WASHC2A: variants seen among roughly 807,000 people sequenced by gnomAD.
WASHC2A encodes the protein WASH complex subunit 2A, also known as WASH complex subunit FAM21A.
In WASHC2A, 82 loss-of-function variants were observed where a neutral mutation model predicts 140.3. The ratio of observed to expected loss-of-function variants is 0.58; its 90% CI spans 0.49 to 0.70. The LOEUF (loss-of-function observed/expected upper bound fraction) is 0.70. Ranked by LOEUF, WASHC2A falls within the 30% of genes least tolerant of loss-of-function variation. The pLI, the probability that WASHC2A is intolerant of heterozygous loss-of-function variation, is 0.00. For missense variants in WASHC2A, 985 were observed against 1,521.8 expected (o/e 0.65, Z 5.87); for synonymous variants, 340 against 560.8 (o/e 0.61, Z 5.56).
chr10:50,082,145 C>CT (rs1226640624), intron 5 of WASHC2A, among the ~76,000 whole-genome samples: 3 of 150,090 alleles, frequency 2.0e-5, no homozygotes, highest in Admixed American at 6.6e-5. Flanking sequence ...CACTTTCTCT[C>CT]TTTTTTTTTT....
At chr10:50,090,515 A>AAAAATATATATATATATATAT (rs1214596899) in intron 8 of WASHC2A, among the ~76,000 whole-genome samples, 8 of 108,730 alleles carry the variant, frequency 7.4e-5, no homozygotes, top group African/African-American at 2.6e-4. Context: ...AAAAAAAAAA[A>AAAAATATATATATATATATAT]ATATATATAT....
At chr10:50,097,400 TCCAAG>T (rs1840591838) in intron 15 of WASHC2A, among the ~76,000 whole-genome samples, 1 of 150,964 alleles carries the variant, frequency 6.6e-6, no homozygotes, top group East Asian at 1.9e-4. Context: ...TGTAAGCCAG[TCCAAG>T]CTACTCTAAG....
intron 26 of WASHC2A, among the ~76,000 whole-genome samples, chr10:50,126,712 G>A (rs1433472011): frequency 2.8e-4 from 43 of 151,756 alleles, no homozygotes; most frequent in African/African-American, 9.4e-4. Context: ...TTAGTGTCCT[G>A]AGCCGTAAAC....
chr10:50,086,430 T>C (rs1189919480), intron 7 of WASHC2A, among the ~76,000 whole-genome samples: 7 of 152,070 alleles, frequency 4.6e-5, no homozygotes, highest in African/African-American at 1.7e-4. Flanking sequence ...TTGGGCCTAA[T>C]GAAGTAGTTA....
intron 30 of WASHC2A, among the ~76,000 whole-genome samples, chr10:50,132,510 G>A (rs1844063595): frequency 1.3e-5 from 2 of 152,232 alleles, no homozygotes; most frequent in Admixed American, 1.3e-4. Context: ...GATGGTAGGG[G>A]CGTGGGCTGG....
intron 7 of WASHC2A, among the ~76,000 whole-genome samples, chr10:50,087,049 A>C (rs1307177533): frequency 1.4e-5 from 2 of 145,908 alleles, no homozygotes; most frequent in African/African-American, 4.9e-5. Flanking sequence ...GTGAACCACA[A>C]AAATTACATG....
At chr10:50,124,476 T>C (rs1843254410) in intron 23 of WASHC2A, among the ~76,000 whole-genome samples, 1 of 151,892 alleles carries the variant, frequency 6.6e-6, no homozygotes, top group Non-Finnish European at 1.5e-5. Flanking sequence ...GTCTGGAGCA[T>C]TGTATTATCA....
chr10:50,127,273 T>G (rs1843516574), intron 27 of WASHC2A, 51 bp downstream of exon 27: 1 of 1,611,650 alleles, frequency 6.2e-7, no homozygotes, highest in African/African-American at 1.3e-5. Context: ...ATCTATAAAC[T>G]TTTTTGGGTT....
In WASHC2A at chr10:50,069,686, T is replaced by G; in HGVS notation, c.266T>G (p.Leu89Arg). 6.2e-7 allele frequency: 1 copy of G among 1,613,720 alleles called. No individual in the cohort carries two copies. Among genetic ancestry groups the G allele is most frequent in the South Asian group, 1.1e-5 (1 of 90,992 alleles). Residue 89 changes from leucine (L) to arginine (R), a missense_variant, in exon 3 of 31, where the codon CTC (leucine) becomes CGC (arginine). Transcript: ENST00000282633. ...LHNVFNDFLM[L>R]SNTQFIENRV... ...AATGTCTTCAATGACTTCCTTATGC[T>G]CTCTAATACCCAGTTCATTGAGAAT...
chr10:50,127,055 C>T (rs2133081537), intron 26 of WASHC2A, 105 bp from the exon 27 acceptor site: 1 of 1,290,164 alleles, frequency 7.8e-7, no homozygotes, highest in East Asian at 2.3e-5. Flanking sequence ...TAAAGAGCTA[C>T]AGAAAGTGAC....
In WASHC2A at chr10:50,104,035, C is replaced by G; in HGVS notation, c.1636-7C>G. On this transcript the variant is annotated splice_polypyrimidine_tract_variant and splice_region_variant and intron_variant, in intron 17 of 30. Transcript: ENST00000282633. ...GTTAACCAGCAACTTTAATTTCAAT[C>G]CAACAGGATTTGTTTTCTTCTCAAA... 6.5e-7 allele frequency: 1 copy of G among 1,544,348 alleles called. No individual in the cohort carries two copies.
Position 50,069,686 on chromosome 10 carries a change from T to C in WASHC2A, c.266T>C (p.Leu89Pro). Residue 89 changes from leucine (L) to proline (P), a missense_variant, in exon 3 of 31, where the codon CTC (leucine) becomes CCC (proline). Physicochemically the swap from Leu to Pro is moderately conservative, Grantham distance 98. Coordinates refer to ENST00000282633, the MANE Select transcript of WASHC2A (RefSeq NM_001005751.3). ...LHNVFNDFLMLSNTQFIENRV... is the reference protein window; with the variant it reads ...LHNVFNDFLMPSNTQFIENRV... Reference sequence around the variant, plus strand: ...AATGTCTTCAATGACTTCCTTATGCTCTCTAATACCCAGTTCATTGAGAAT... The same window carrying C: ...AATGTCTTCAATGACTTCCTTATGCCCTCTAATACCCAGTTCATTGAGAAT... The C allele has an allele frequency of 6.8e-6, 11 of 1,613,720 alleles. No individual in the cohort carries two copies. Among genetic ancestry groups the C allele is most frequent in the Non-Finnish European group, 9.3e-6 (11 of 1,179,812 alleles).
At chr10:50,072,481 CTTTTTT>C (rs11440968) in intron 3 of WASHC2A, among the ~76,000 whole-genome samples, 24 of 90,622 alleles carry the variant, frequency 2.6e-4, no homozygotes, top group Admixed American at 9.6e-4. Context: ...AGTGATCTGG[CTTTTTT>C]TTTTTTTTTT....
At chr10:50,078,475 T>C (rs1838574457) in intron 3 of WASHC2A, among the ~76,000 whole-genome samples, 200 bp from the exon 4 acceptor site, 1 of 152,200 alleles carries the variant, frequency 6.6e-6, no homozygotes, top group Admixed American at 6.5e-5. Context: ...TTTTCTTTTT[T>C]TTTTTGGTGA....
chr10:50,132,247 C>T (rs1005935530), intron 30 of WASHC2A, among the ~76,000 whole-genome samples: 4 of 152,188 alleles, frequency 2.6e-5, no homozygotes, highest in African/African-American at 9.7e-5. Context: ...CATGTTAAAT[C>T]ATGGTTGGAT....
intron 28 of WASHC2A, among the ~76,000 whole-genome samples, chr10:50,129,052 G>A (rs1399442176): frequency 1.3e-5 from 2 of 152,060 alleles, no homozygotes; most frequent in East Asian, 1.9e-4. Flanking sequence ...AGATACCCAC[G>A]TTTCTATTGA....
At chr10:50,131,731 C>T (rs1469194556) in intron 30 of WASHC2A, among the ~76,000 whole-genome samples, 1 of 152,228 alleles carries the variant, frequency 6.6e-6, no homozygotes, top group Non-Finnish European at 1.5e-5. Context: ...TTGAGACTAA[C>T]TGGGAGACAG....
intron 17 of WASHC2A, among the ~76,000 whole-genome samples, 194 bp downstream of exon 17, chr10:50,100,258 G>A (rs1381168312): frequency 2.6e-5 from 4 of 152,036 alleles, no homozygotes; most frequent in Admixed American, 6.6e-5. Flanking sequence ...CAAGGCAGGC[G>A]GATACCTGAG....
chr10:50,100,221 G>A (rs1231615531), intron 17 of WASHC2A, among the ~76,000 whole-genome samples, 157 bp downstream of exon 17: 5 of 152,048 alleles, frequency 3.3e-5, no homozygotes, highest in South Asian at 4.2e-4. Flanking sequence ...AGTGGTTCAT[G>A]CCTGTAATCC....
Sources: allele counts gnomAD v4.1 joint callset (sites outside exome capture counted in the v4.1 genomes callset), GRCh38; gene constraint gnomAD v4.1.1; transcripts MANE v1.5; gene names NCBI Gene and HGNC (gene_info 2026-07-23, HGNC 2026-07-21).